Variants in CPM observed in about 807,000 individuals in gnomAD.
CPM encodes carboxypeptidase M.
In CPM, 35 loss-of-function variants were observed where a neutral mutation model predicts 46.4. The observed-to-expected ratio is 0.75, with a 90% CI of 0.58 to 1.00. CPM has a LOEUF of 1.00. Ranked by LOEUF, CPM falls within the 50% of genes least tolerant of loss-of-function variation. The probability of loss-of-function intolerance (pLI) is 0.00; values close to 1 mark genes in which losing one functional copy is unlikely to be tolerated. For synonymous variants in CPM, 195 were observed against 195.3 expected (o/e 1.00, Z 0.01); for missense variants, 422 against 530.4 (o/e 0.80, Z 2.01).
At chr12:68,920,646 G>A (rs561090633) in intron 2 of CPM, among the ~76,000 whole-genome samples, 1 of 151,700 alleles carries the variant, frequency 6.6e-6, no homozygotes, top group Non-Finnish European at 1.5e-5. Context: ...ACTTAAAATG[G>A]AAGGGTTTCA....
intron 1 of CPM, among the ~76,000 whole-genome samples, chr12:68,942,620 G>A (rs940094262): frequency 1.3e-5 from 2 of 152,104 alleles, no homozygotes; most frequent in African/African-American, 4.8e-5. Context: ...TAGGGAATAC[G>A]ACTGTAAACA....
intron 1 of CPM, among the ~76,000 whole-genome samples, chr12:68,959,728 T>A (rs527759274): frequency 6.6e-5 from 10 of 152,218 alleles, no homozygotes; most frequent in Non-Finnish European, 1.2e-4. Flanking sequence ...ATCGTGTTAG[T>A]TGCCTTAGGA....
chr12:68,873,995 AG>A (rs923656972), intron 3 of CPM, among the ~76,000 whole-genome samples: 1 of 151,932 alleles, frequency 6.6e-6, no homozygotes, highest in African/African-American at 2.4e-5. Flanking sequence ...TAGTAGAGAC[AG>A]GGTTTCACCA....
chr12:68,917,641 G>T (rs555078174), intron 2 of CPM, among the ~76,000 whole-genome samples: 4 of 152,290 alleles, frequency 2.6e-5, no homozygotes, highest in Non-Finnish European at 5.9e-5. Context: ...TAAACTCCCT[G>T]AAATGCTTAC....
At chr12:68,862,073 A>G (rs1885242565) in intron 7 of CPM, among the ~76,000 whole-genome samples, 1 of 93,854 alleles carries the variant, frequency 1.1e-5, no homozygotes, top group South Asian at 2.8e-4. Flanking sequence ...AACAACACCT[A>G]CGTATCAGTG....
intron 2 of CPM, among the ~76,000 whole-genome samples, chr12:68,910,734 G>C (rs1012888635): frequency 1.3e-5 from 2 of 151,984 alleles, no homozygotes; most frequent in African/African-American, 4.8e-5. Flanking sequence ...CTAGATGACT[G>C]TATCATTTCA....
rs1886406986 is a variant in CPM, at chr12:68,885,895, C to G, written c.161-6G>C. ...AAGAACCCACAGGTTTCTACCTTTA[C>G]AGGAAAAGAAGAAAAGATGGAAAAG... On this transcript the variant is annotated splice_polypyrimidine_tract_variant and splice_region_variant and intron_variant, in intron 2 of 8. Transcript: ENST00000551568. The G allele has an allele frequency of 7.5e-6, 12 of 1,609,976 alleles. No individual in the cohort carries two copies. Among genetic ancestry groups the G allele is most frequent in the South Asian group, 3.3e-5 (3 of 90,562 alleles).
At chr12:68,860,258 G>A (rs1384837729) in intron 7 of CPM, among the ~76,000 whole-genome samples, 1 of 152,006 alleles carries the variant, frequency 6.6e-6, no homozygotes, top group African/African-American at 2.4e-5. Flanking sequence ...CTATACAACT[G>A]TGTAAACTTC....
intron 2 of CPM, among the ~76,000 whole-genome samples, chr12:68,896,170 A>G (rs1886867000): frequency 6.6e-6 from 1 of 152,092 alleles, no homozygotes; most frequent in Non-Finnish European, 1.5e-5. Flanking sequence ...TTCTGCATGG[A>G]TAGTCCTTAG....
intron 2 of CPM, among the ~76,000 whole-genome samples, chr12:68,888,664 T>C (rs1886532739): frequency 6.6e-6 from 1 of 152,220 alleles, no homozygotes; most frequent in Admixed American, 6.5e-5. Context: ...AAGACCACCT[T>C]TATTCCCAAA....
upstream of CPM, among the ~76,000 whole-genome samples, chr12:68,934,822 C>T (rs552617578): frequency 2.6e-5 from 4 of 152,208 alleles, no homozygotes; most frequent in African/African-American, 9.6e-5. Context: ...AAGAACTGTG[C>T]GAAGCGTTTA....
chr12:68,901,330 C>G (rs1457282373), intron 2 of CPM, among the ~76,000 whole-genome samples: 1 of 152,110 alleles, frequency 6.6e-6, no homozygotes, highest in South Asian at 2.1e-4. Flanking sequence ...GATTTAGGAG[C>G]CAGAGAGGTC....
intron 2 of CPM, among the ~76,000 whole-genome samples, chr12:68,892,408 G>C (rs1886694296): frequency 6.6e-6 from 1 of 152,086 alleles, no homozygotes; most frequent in Non-Finnish European, 1.5e-5. Flanking sequence ...TGATTAGCTG[G>C]TACATCCCAA....
intron 1 of CPM, among the ~76,000 whole-genome samples, chr12:68,938,824 GTATATCTATATGTGTACATA>G (rs1335403655): frequency 9.1e-4 from 136 of 149,756 alleles, no homozygotes; most frequent in African/African-American, 2.4e-3. Flanking sequence ...ACACACACAC[GTATATCTATATGTGTACATA>G]TATATCTATA....
At chr12:68,860,106 C>G (rs1215444673) in intron 7 of CPM, among the ~76,000 whole-genome samples, 1 of 152,156 alleles carries the variant, frequency 6.6e-6, no homozygotes, top group African/African-American at 2.4e-5. Context: ...TGGCATTTAG[C>G]AAAACAATGT....
Position 68,869,363 on chromosome 12 carries a change from T to C in CPM, c.749A>G (p.Asn250Ser), listed in dbSNP as rs1026729471. ...DECKNKMNFP[N>S]GVTNGYSWYP... ...CCAAGAGTATCCATTTGTAACACCA[T>C]TAGGAAAGTTCATTTTGTTTTTACA... Residue 250 changes from asparagine to serine, a missense_variant, in exon 6 of 9, where the codon AAT (asparagine) becomes AGT (serine). By Grantham distance (46) the Asn-to-Ser change is conservative. Transcript: ENST00000551568. 36 of 1,613,916 alleles carry C rather than the reference T, an allele frequency of 2.2e-5. No individual in the cohort carries two copies. The highest frequency in any genetic ancestry group is 3.1e-5 in the Non-Finnish European group (36 of 1,179,936).
At chr12:68,925,331 A>G (rs1264633893) in intron 2 of CPM, among the ~76,000 whole-genome samples, 1 of 152,204 alleles carries the variant, frequency 6.6e-6, no homozygotes, top group Admixed American at 6.5e-5. Context: ...AGCACTTACT[A>G]TGTGCCAGGA....
At chr12:68,958,627 C>T (rs890523634) in intron 1 of CPM, among the ~76,000 whole-genome samples, 2 of 152,170 alleles carry the variant, frequency 1.3e-5, no homozygotes, top group Non-Finnish European at 2.9e-5. Context: ...GAGATACCAT[C>T]GTTTCTCTCC....
At chr12:68,865,781 A>ACAC (rs1885415365) in intron 7 of CPM, among the ~76,000 whole-genome samples, 1 of 152,288 alleles carries the variant, frequency 6.6e-6, no homozygotes, top group African/African-American at 2.4e-5. Flanking sequence ...GCCCAAAGAG[A>ACAC]CACCACCTGG....
Sources: gnomAD v4.1 joint callset for allele counts (sites outside exome capture counted in the v4.1 genomes callset) on GRCh38, gnomAD v4.1.1 for gene constraint, MANE v1.5 for transcripts, NCBI Gene and HGNC (gene_info 2026-07-23, HGNC 2026-07-21) for gene names.